CPEB3: variants seen among roughly 807,000 people sequenced by gnomAD.
CPEB3 encodes cytoplasmic polyadenylation element binding protein 3, also known as cytoplasmic polyadenylation element-binding protein 3.
CPEB3 carries 20 observed loss-of-function variants against 67.2 expected under a neutral mutation model. The ratio of observed to expected loss-of-function variants is 0.30; its 90% CI spans 0.21 to 0.43. CPEB3 has a LOEUF of 0.43. Ranked by LOEUF, CPEB3 falls within the 20% of genes least tolerant of loss-of-function variation. CPEB3 has a pLI of 1.00. For synonymous variants in CPEB3, 376 were observed against 393.1 expected, an observed-to-expected ratio of 0.96 and a Z score of 0.51; for missense variants, 746 against 968.6, an observed-to-expected ratio of 0.77 and a Z score of 3.05.
At chr10:92,222,612 T>C (rs1224285511) in intron 2 of CPEB3, among the ~76,000 whole-genome samples, 1 of 152,160 alleles carries the variant, frequency 6.6e-6, no homozygotes, top group African/African-American at 2.4e-5. Context: ...TGCCATGTTG[T>C]TGGGTGCCAT....
chr10:92,080,599 CTT>C (rs112857749), intron 9 of CPEB3, among the ~76,000 whole-genome samples: 3 of 143,838 alleles, frequency 2.1e-5, no homozygotes, highest in Non-Finnish European at 4.6e-5. Context: ...TTGCAATTTT[CTT>C]TTTTTTTTTT....
chr10:92,132,580 G>A (rs1044000715), intron 6 of CPEB3, among the ~76,000 whole-genome samples: 1 of 151,682 alleles, frequency 6.6e-6, no homozygotes, highest in Non-Finnish European at 1.5e-5. Context: ...CATTAAAGAG[G>A]GTCAAAAAGT....
intron 5 of CPEB3, among the ~76,000 whole-genome samples, chr10:92,143,644 C>A (rs1277077032): frequency 2.6e-5 from 4 of 152,054 alleles, no homozygotes; most frequent in African/African-American, 9.7e-5. Context: ...ATATTACGTA[C>A]CCTATATAGA....
At chr10:92,225,418 T>C (rs1478084006) in intron 2 of CPEB3, among the ~76,000 whole-genome samples, 1 of 152,144 alleles carries the variant, frequency 6.6e-6, no homozygotes, top group East Asian at 1.9e-4. Flanking sequence ...ATGCTTATAG[T>C]CCCAGCTACT....
At chr10:92,058,871 G>A (rs752534543) in intron 9 of CPEB3, among the ~76,000 whole-genome samples, 17 of 151,998 alleles carry the variant, frequency 1.1e-4, no homozygotes, top group Non-Finnish European at 1.5e-4. Context: ...CAGAATACAC[G>A]TTCTTTTCCT....
chr10:92,194,861 G>T (rs929552498), intron 2 of CPEB3, among the ~76,000 whole-genome samples: 3 of 152,046 alleles, frequency 2.0e-5, no homozygotes, highest in Non-Finnish European at 2.9e-5. Flanking sequence ...CTAACATGGT[G>T]AAACTCCGTC....
At chr10:92,057,400 A>G (rs1842152855) in intron 9 of CPEB3, among the ~76,000 whole-genome samples, 1 of 152,194 alleles carries the variant, frequency 6.6e-6, no homozygotes, top group Admixed American at 6.5e-5. Context: ...AAAGACTGCA[A>G]TTGTGGTTTG....
At position 92,240,044 on chromosome 10, in the gene CPEB3, G is replaced by C; in HGVS notation, c.307C>G (p.Leu103Val). ...PQEPAAPGAS[L>V]SPSFGSTWST... ...CAGGTGCTGCCGAAGGACGGCGACA[G>C]CGACGCGCCCGGTGCCGCGGGCTCC... The change falls in exon 2 of 10, where the codon CTG (leucine) becomes GTG (valine). Residue 103 changes from leucine (L) to valine (V), a missense_variant. Transcript: ENST00000265997. 1 of 1,599,536 alleles carries C rather than the reference G, an allele frequency of 6.3e-7. No homozygotes were observed. The highest frequency in any genetic ancestry group is 8.5e-7 in the Non-Finnish European group (1 of 1,173,220).
At chr10:92,275,852 T>C (rs981683767) in intron 1 of CPEB3, among the ~76,000 whole-genome samples, 15 of 147,254 alleles carry the variant, frequency 1.0e-4, no homozygotes, top group Admixed American at 2.0e-4. Context: ...TTTCTTTTTT[T>C]TTTTTTTTTT....
chr10:92,199,286 G>A (rs1849389896), intron 2 of CPEB3, among the ~76,000 whole-genome samples: 1 of 151,702 alleles, frequency 6.6e-6, no homozygotes, highest in South Asian at 2.1e-4. Context: ...AGCTACTCAG[G>A]AGGCTGAGGC....
intron 1 of CPEB3, among the ~76,000 whole-genome samples, chr10:92,280,343 C>CAAAAAAAAAAAAAAAA (rs60338900): frequency 2.6e-5 from 1 of 37,796 alleles, no homozygotes; most frequent in Non-Finnish European, 4.5e-5. Context: ...AACTCCATCT[C>CAAAAAAAAAAAAAAAA]AAAAAAAAAA....
chr10:92,208,726 T>A (rs527767393), intron 2 of CPEB3, among the ~76,000 whole-genome samples: 1 of 152,168 alleles, frequency 6.6e-6, no homozygotes, highest in East Asian at 1.9e-4. Flanking sequence ...CCCAAGTAGC[T>A]GAGACCACAG....
At chr10:92,137,205 G>C (rs887044392) in intron 6 of CPEB3, 5 of 447,606 alleles carry the variant, frequency 1.1e-5, no homozygotes, top group Non-Finnish European at 2.1e-5. Context: ...AGATAGAAAA[G>C]GTGGTCATGA....
intron 2 of CPEB3, among the ~76,000 whole-genome samples, chr10:92,199,093 A>G (rs1004567241): frequency 3.9e-5 from 6 of 152,230 alleles, no homozygotes; most frequent in African/African-American, 1.4e-4. Flanking sequence ...CATCTAACAC[A>G]TAAGAAACGA....
chr10:92,161,993 C>T (rs991552933), intron 4 of CPEB3, among the ~76,000 whole-genome samples: 4 of 152,148 alleles, frequency 2.6e-5, no homozygotes, highest in African/African-American at 9.7e-5. Context: ...AGTAATGTGA[C>T]TTATTTCATC....
At chr10:92,240,491 A>C (rs1228311448) in intron 1 of CPEB3, 130 bp from the exon 2 acceptor site, 1 of 876,852 alleles carries the variant, frequency 1.1e-6, no homozygotes, top group African/African-American at 1.7e-5. Flanking sequence ...GCAAATCCAT[A>C]ATCTCCCATT....
rs753701320 is a variant in CPEB3, at chr10:92,239,555, G to C, written c.796C>G (p.Arg266Gly). 1 of 1,556,000 alleles carries C rather than the reference G, an allele frequency of 6.4e-7. No homozygotes were observed. Among genetic ancestry groups the C allele is most frequent in the Non-Finnish European group, 8.7e-7 (1 of 1,149,168 alleles). The change falls in exon 2 of 10, where the codon CGG becomes GGG. Residue 266 changes from arginine (R) to glycine (G), a missense_variant. Arg to Gly is a moderately radical substitution (Grantham distance 125, BLOSUM62 -2). Coordinates refer to ENST00000265997, the MANE Select transcript of CPEB3 (RefSeq NM_014912.5). The surrounding 1 kb of genome is among the most constrained non-coding windows in gnomAD (Gnocchi z 6.0). ...SNPWGGLQAG[R>G]DPRRAVGVGV... ...ACACCGACCGCCCGGCGAGGGTCCC[G>C]GCCCGCCTGCAGGCCGCCCCAGGGG...
chr10:92,235,552 T>C (rs1851490657), intron 2 of CPEB3, among the ~76,000 whole-genome samples: 1 of 152,250 alleles, frequency 6.6e-6, no homozygotes, highest in Non-Finnish European at 1.5e-5. Flanking sequence ...TACTTTACTA[T>C]GGGCCAGGCA....
At chr10:92,261,156 C>T (rs1459311875) in intron 1 of CPEB3, among the ~76,000 whole-genome samples, 2 of 152,078 alleles carry the variant, frequency 1.3e-5, no homozygotes, top group Non-Finnish European at 2.9e-5. Context: ...GTATTTGAAA[C>T]CAAGTAGTAT....
Sources: allele counts gnomAD v4.1 joint callset (sites outside exome capture counted in the v4.1 genomes callset), GRCh38; gene constraint gnomAD v4.1.1; non-coding constraint Gnocchi (gnomAD v3.1); transcripts MANE v1.5; gene names NCBI Gene and HGNC (gene_info 2026-07-23, HGNC 2026-07-21).